GRID2: variants seen among roughly 807,000 people sequenced by gnomAD.
GRID2 encodes glutamate ionotropic receptor delta type subunit 2, also known as glutamate receptor ionotropic, delta-2.
GRID2 carries 33 observed loss-of-function variants against 114.8 expected under a neutral mutation model. The ratio of observed to expected loss-of-function variants is 0.29; its 90% CI spans 0.22 to 0.38. GRID2 has a LOEUF of 0.38. Among genes scored for constraint, GRID2 ranks in the 10% least tolerant of loss-of-function variants. The pLI is 1.00. For missense variants in GRID2, 1,184 were observed against 1,257.7 expected (o/e 0.94, Z 0.89); for synonymous variants, 505 against 449.9 (o/e 1.12, Z -1.55).
intron 14 of GRID2, among the ~76,000 whole-genome samples, chr4:93,651,963 A>T (rs1283477047): frequency 6.6e-6 from 1 of 152,142 alleles, no homozygotes; most frequent in South Asian, 2.1e-4. Context: ...ACAGGGAAGC[A>T]GTGTAGACCT....
chr4:92,333,543 C>T (rs990378809), intron 1 of GRID2, among the ~76,000 whole-genome samples: 1 of 152,140 alleles, frequency 6.6e-6, no homozygotes, highest in Admixed American at 6.6e-5. Flanking sequence ...CCTAAATAAG[C>T]CTTTTTCATC....
At chr4:93,189,776 C>T (rs1197024539) in intron 4 of GRID2, among the ~76,000 whole-genome samples, 5 of 5,316 alleles carry the variant, frequency 9.4e-4, no homozygotes, top group African/African-American at 1.4e-3. Flanking sequence ...CACCACACCA[C>T]ACACACACAC....
chr4:93,804,748 C>T (rs1734998600), intron 1 of GRID2, among the ~76,000 whole-genome samples: 1 of 152,160 alleles, frequency 6.6e-6, no homozygotes, highest in Admixed American at 6.5e-5. Flanking sequence ...TCACAGGGCC[C>T]CTCAAGTAAA....
At chr4:93,491,688 G>T (rs1727025185) in intron 12 of GRID2, among the ~76,000 whole-genome samples, 1 of 151,820 alleles carries the variant, frequency 6.6e-6, no homozygotes, top group Non-Finnish European at 1.5e-5. Context: ...AATTAGATAT[G>T]TCAGGGAATT....
intron 8 of GRID2, among the ~76,000 whole-genome samples, chr4:93,329,819 G>A (rs953500077): frequency 6.6e-6 from 1 of 151,910 alleles, no homozygotes; most frequent in Non-Finnish European, 1.5e-5. Flanking sequence ...GGGTATCTGA[G>A]TCCCCTACAG....
At chr4:93,804,822 T>G (rs1451501363) in intron 1 of GRID2, among the ~76,000 whole-genome samples, 1 of 152,224 alleles carries the variant, frequency 6.6e-6, no homozygotes, top group Non-Finnish European at 1.5e-5. Flanking sequence ...CTCCATGATT[T>G]CTTCTTTTAT....
chr4:93,724,369 A>T (rs564006832), intron 14 of GRID2, among the ~76,000 whole-genome samples: 1 of 152,280 alleles, frequency 6.6e-6, no homozygotes, highest in Admixed American at 6.5e-5. Flanking sequence ...CATGGCCTAT[A>T]ATTTTATGTT....
intron 2 of GRID2, among the ~76,000 whole-genome samples, chr4:92,626,965 A>G (rs1025921178): frequency 2.0e-5 from 3 of 152,124 alleles, no homozygotes; most frequent in Non-Finnish European, 2.9e-5. Flanking sequence ...AACAAAACAC[A>G]TGAAGAAAAC....
In GRID2 at chr4:93,658,361, A is replaced by G. The variant is rs959974658; in HGVS notation, c.2360+31926A>G. 6.6e-5 allele frequency among the ~76,000 whole-genome samples: 10 copies of G among 152,198 alleles called. No individual in the cohort carries two copies. The East Asian group carries it at 1.7e-3, about 26-fold the overall frequency. ...ACAGGAATTTTAGAAATTAATAAAGAGGTCTTATTTATTTAATATTGAAAT... is the reference window on the plus strand; with the variant it reads ...ACAGGAATTTTAGAAATTAATAAAGGGGTCTTATTTATTTAATATTGAAAT... On this transcript the variant is annotated intron_variant, in intron 14 of 15. Coordinates refer to ENST00000282020, the MANE Select transcript of GRID2 (RefSeq NM_001510.4).
chr4:92,471,893 G>A (rs1036873370), intron 1 of GRID2, among the ~76,000 whole-genome samples: 2 of 151,054 alleles, frequency 1.3e-5, no homozygotes, highest in African/African-American at 4.9e-5. Flanking sequence ...TTTCTTTAAC[G>A]GAGCATACTT....
At chr4:93,144,265 T>C (rs1485819626) in intron 4 of GRID2, among the ~76,000 whole-genome samples, 9 of 152,178 alleles carry the variant, frequency 5.9e-5, no homozygotes, top group Non-Finnish European at 1.3e-4. Context: ...ACAAACTAAG[T>C]GCTGTCCTGT....
rs755107374 is a variant in GRID2, at chr4:93,513,122, G to A, written c.1998-2094G>A. Among the ~76,000 whole-genome samples the A allele has an allele frequency of 2.6e-5, 4 of 152,292 alleles. No individual in the cohort carries two copies. In the East Asian group the frequency reaches 5.8e-4, roughly 22 times the overall value. On this transcript the variant is annotated intron_variant, in intron 12 of 15. Transcript: ENST00000282020. ...GGGCCCAATCTTGTACTGGTAGGGTGTCTGGTGACCTGCAATATGGGCTTT... is the reference window on the plus strand; with the variant it reads ...GGGCCCAATCTTGTACTGGTAGGGTATCTGGTGACCTGCAATATGGGCTTT...
At chr4:93,319,350 G>A (rs1335012807) in intron 8 of GRID2, among the ~76,000 whole-genome samples, 7 of 152,020 alleles carry the variant, frequency 4.6e-5, no homozygotes, top group African/African-American at 1.7e-4. Context: ...AGAAAATAGA[G>A]GCTACTGTCC....
At chr4:93,731,897 G>A (rs1312056747) in intron 14 of GRID2, among the ~76,000 whole-genome samples, 1 of 152,122 alleles carries the variant, frequency 6.6e-6, no homozygotes, top group Non-Finnish European at 1.5e-5. Context: ...TTTTGCTTCT[G>A]TTCAGCAGAC....
intron 10 of GRID2, among the ~76,000 whole-genome samples, chr4:93,439,495 A>G (rs1387732146): frequency 6.6e-6 from 1 of 152,124 alleles, no homozygotes; most frequent in Admixed American, 6.6e-5. Flanking sequence ...GGAATTGTCT[A>G]GGAACAATTA....
At chr4:92,995,832 G>A (rs1310080224) in intron 2 of GRID2, among the ~76,000 whole-genome samples, 1 of 152,092 alleles carries the variant, frequency 6.6e-6, no homozygotes, top group African/African-American at 2.4e-5. Flanking sequence ...ATCTGGGCTT[G>A]ATTAAAAATG....
chr4:92,561,259 C>T (rs1727091745), intron 1 of GRID2, among the ~76,000 whole-genome samples: 1 of 152,162 alleles, frequency 6.6e-6, no homozygotes, highest in Admixed American at 6.5e-5. Flanking sequence ...TCTTAAACTT[C>T]TACAACAATT....
chr4:92,487,357 C>T (rs1471220748), intron 1 of GRID2, among the ~76,000 whole-genome samples: 1 of 151,632 alleles, frequency 6.6e-6, no homozygotes, highest in Non-Finnish European at 1.5e-5. Flanking sequence ...TCTAGTGCTC[C>T]TTATTTTTTG....
At chr4:93,167,466 A>G (rs1738362933) in intron 4 of GRID2, among the ~76,000 whole-genome samples, 1 of 152,116 alleles carries the variant, frequency 6.6e-6, no homozygotes, top group African/African-American at 2.4e-5. Flanking sequence ...AAAAGTCTAT[A>G]TTGCATCCTG....
Sources: gnomAD v4.1 joint callset for allele counts (sites outside exome capture counted in the v4.1 genomes callset) on GRCh38, gnomAD v4.1.1 for gene constraint, MANE v1.5 for transcripts, NCBI Gene and HGNC (gene_info 2026-07-23, HGNC 2026-07-21) for gene names.